VPS26A: variants seen among roughly 807,000 people sequenced by gnomAD.
VPS26A encodes vacuolar protein sorting-associated protein 26A.
In VPS26A, 22 loss-of-function variants were observed where a neutral mutation model predicts 42.4. That is an observed-to-expected ratio of 0.52 (90% CI 0.37 to 0.74). VPS26A has a LOEUF of 0.74. Ranked by LOEUF, VPS26A falls within the 30% of genes least tolerant of loss-of-function variation. The pLI is 0.00. For missense variants in VPS26A, 276 were observed against 379.2 expected, an observed-to-expected ratio of 0.73 and a Z score of 2.26; for synonymous variants, 110 against 123.5, an observed-to-expected ratio of 0.89 and a Z score of 0.73.
In VPS26A at chr10:69,173,226, G is replaced by A. The variant is rs1030728062; in HGVS notation, c.*1957G>A. 6.6e-6 allele frequency among the ~76,000 whole-genome samples: 1 copy of A among 152,130 alleles called. No homozygotes were observed. The highest frequency in any genetic ancestry group is 6.5e-5 in the Admixed American group (1 of 15,276). On this transcript the variant is annotated 3_prime_UTR_variant, in exon 9 of 9. Transcript: ENST00000263559. ...GAAGAGTTACAATGTCTAATCCATT[G>A]GTTCTCAACCCTGGCTGCATATCAG...
At chr10:69,150,614 GTC>G (rs1841282044) in intron 2 of VPS26A, among the ~76,000 whole-genome samples, 1 of 146,034 alleles carries the variant, frequency 6.8e-6, no homozygotes, top group Non-Finnish European at 1.5e-5. Context: ...ACCCAGGATG[GTC>G]TAGATCTCCT....
At chr10:69,170,580 G>T (rs1211953808) in intron 8 of VPS26A, among the ~76,000 whole-genome samples, 1 of 152,142 alleles carries the variant, frequency 6.6e-6, no homozygotes. Context: ...TATTTGGATT[G>T]CATTGGAGGC....
chr10:69,147,080 A>C (rs1043454149), intron 2 of VPS26A, among the ~76,000 whole-genome samples: 4 of 152,328 alleles, frequency 2.6e-5, no homozygotes, highest in Non-Finnish European at 5.9e-5. Context: ...TCTTGGCAAC[A>C]CTTACTAATA....
chr10:69,147,707 A>T (rs1204463417), intron 2 of VPS26A, among the ~76,000 whole-genome samples: 4 of 151,740 alleles, frequency 2.6e-5, no homozygotes, highest in African/African-American at 7.3e-5. Flanking sequence ...GTGGCATTTT[A>T]TTTTTTATTT....
intron 2 of VPS26A, among the ~76,000 whole-genome samples, chr10:69,142,676 T>C (rs1841069432): frequency 6.6e-6 from 1 of 151,644 alleles, no homozygotes; most frequent in East Asian, 1.9e-4. Flanking sequence ...GAAAATAATA[T>C]GCTCATTTGG....
chr10:69,168,763 A>G, intron 8 of VPS26A, 132 bp downstream of exon 8: 1 of 1,113,734 alleles, frequency 9.0e-7, no homozygotes, highest in South Asian at 1.9e-5. Flanking sequence ...GGTATGATAG[A>G]TAAAGAAGTA....
At chr10:69,151,735 G>A (rs1165814783) in intron 2 of VPS26A, among the ~76,000 whole-genome samples, 1 of 152,074 alleles carries the variant, frequency 6.6e-6, no homozygotes, top group Non-Finnish European at 1.5e-5. Context: ...GGTTTTTGAA[G>A]AACTGTAAGT....
At chr10:69,145,966 A>G (rs76613905) in intron 2 of VPS26A, among the ~76,000 whole-genome samples, 5,460 of 152,262 alleles carry the variant, frequency 0.036, 341 homozygotes, top group African/African-American at 0.12. Flanking sequence ...TGGACATTTC[A>G]TATAAATGGC....
At chr10:69,148,361 C>A (rs1357306033) in intron 2 of VPS26A, among the ~76,000 whole-genome samples, 1 of 152,090 alleles carries the variant, frequency 6.6e-6, no homozygotes, top group Non-Finnish European at 1.5e-5. Flanking sequence ...TTGCAAAAGT[C>A]AACACAGGGG....
intron 2 of VPS26A, among the ~76,000 whole-genome samples, chr10:69,149,024 G>A (rs190029507): frequency 1.3e-5 from 2 of 152,138 alleles, no homozygotes; most frequent in Admixed American, 6.5e-5. Flanking sequence ...CCAAAGTGCT[G>A]GGATTACCAG....
chr10:69,161,661 C>T, intron 5 of VPS26A: 1 of 341,804 alleles, frequency 2.9e-6, no homozygotes, highest in Admixed American at 2.9e-5. Flanking sequence ...GAGGCTTACC[C>T]ATTCCCCAGT....
chr10:69,133,458 TA>T, intron 2 of VPS26A: 1 of 890,810 alleles, frequency 1.1e-6, no homozygotes, highest in Non-Finnish European at 1.5e-6. Flanking sequence ...TATAACTTTC[TA>T]AAGGTTTTTT....
intron 5 of VPS26A, among the ~76,000 whole-genome samples, chr10:69,159,212 C>G (rs1346196687): frequency 1.3e-5 from 2 of 152,038 alleles, no homozygotes; most frequent in African/African-American, 4.8e-5. Flanking sequence ...GAAACTCCGT[C>G]TCCACTGAAA....
At chr10:69,163,195 T>C (rs763185231) in intron 6 of VPS26A, among the ~76,000 whole-genome samples, 5 of 152,248 alleles carry the variant, frequency 3.3e-5, no homozygotes, top group Non-Finnish European at 7.3e-5. Flanking sequence ...TTCCGGTCTT[T>C]TGCTATTACA....
chr10:69,164,223 C>CTTTT lies in VPS26A; in HGVS notation c.658+1720_658+1723dup, dbSNP rs756313883. ...ATTAGAGAAATCAATCCCCCTCCAC[C>CTTTT]TTTTTTTTTTTTGAGACAGGGTCTC... On this transcript the variant is annotated intron_variant, in intron 6 of 8. Transcript: ENST00000263559. Among the ~76,000 whole-genome samples, 550 of 144,566 alleles carry CTTTT rather than the reference C, an allele frequency of 3.8e-3. 1 individual carries two copies. Among genetic ancestry groups the CTTTT allele is most frequent in the Non-Finnish European group, 6.3e-3 (414 of 65,804 alleles). The allele number at this position is 144,566 out of a possible 152,430, so 94.8% of individuals were successfully genotyped here. A position where few individuals can be genotyped will look rare whatever the true frequency, so the allele number is the denominator to read the frequency against.
intron 6 of VPS26A, among the ~76,000 whole-genome samples, chr10:69,163,296 T>G (rs1317744800): frequency 6.6e-6 from 1 of 152,220 alleles, no homozygotes; most frequent in African/African-American, 2.4e-5. Flanking sequence ...CTTCTGCCCT[T>G]TTTGTGGCGA....
At position 69,172,639 on chromosome 10, in the gene VPS26A, T is replaced by C. The variant is rs1489605839; in HGVS notation, c.*1370T>C. The C allele has an allele frequency of 1.3e-5, 2 of 152,482 alleles. No homozygotes were observed. The highest frequency in any genetic ancestry group is 2.1e-4 in the South Asian group (1 of 4,838). 9.4% of individuals were successfully genotyped at this position (152,482 alleles called of 1,614,324 possible). ...TGGCAAAAGGGTCCATGTACCACCA[T>C]GTGCTGGAGCATCTGTTCTACATGT... is the stretch of plus-strand genomic sequence containing the variant. On this transcript the variant is annotated 3_prime_UTR_variant, in exon 9 of 9. Transcript: ENST00000263559.
At chr10:69,149,749 T>TTG (rs1841254712) in intron 2 of VPS26A, among the ~76,000 whole-genome samples, 1 of 82,952 alleles carries the variant, frequency 1.2e-5, no homozygotes, top group African/African-American at 3.5e-5. Flanking sequence ...TTTTTTTTTT[T>TTG]TTTTTTTTTT....
chr10:69,149,338 ACAT>A (rs1841239137), intron 2 of VPS26A, among the ~76,000 whole-genome samples: 1 of 152,154 alleles, frequency 6.6e-6, no homozygotes, highest in Middle Eastern at 3.2e-3. Context: ...CTGTGATGAA[ACAT>A]CAGACACACC....
Sources: allele counts gnomAD v4.1 joint callset (sites outside exome capture counted in the v4.1 genomes callset), GRCh38; gene constraint gnomAD v4.1.1; transcripts MANE v1.5; gene names NCBI Gene and HGNC (gene_info 2026-07-23, HGNC 2026-07-21).